Variants in ANKIB1 observed in about 807,000 individuals in gnomAD.
ANKIB1 encodes ankyrin repeat and IBR domain containing 1, also known as ankyrin repeat and IBR domain-containing protein 1.
A neutral mutation model predicts 122.1 loss-of-function variants in ANKIB1; 43 were observed. The observed-to-expected ratio is 0.35, with a 90% CI of 0.28 to 0.45. The LOEUF (loss-of-function observed/expected upper bound fraction) is 0.45. Among genes scored for constraint, ANKIB1 ranks in the 20% least tolerant of loss-of-function variants. The pLI, the probability that ANKIB1 is intolerant of heterozygous loss-of-function variation, is 1.00. For synonymous variants in ANKIB1, 390 were observed against 442.0 expected, an observed-to-expected ratio of 0.88 and a Z score of 1.48; for missense variants, 992 against 1,329.5, an observed-to-expected ratio of 0.75 and a Z score of 3.95.
intron 4 of ANKIB1, among the ~76,000 whole-genome samples, 178 bp from the exon 5 acceptor site, chr7:92,327,605 A>T (rs1222868595): frequency 6.6e-6 from 1 of 152,014 alleles, no homozygotes; most frequent in Admixed American, 6.6e-5. Context: ...AAGTCTGTGC[A>T]TGTTTAGTAT....
intron 11 of ANKIB1, among the ~76,000 whole-genome samples, chr7:92,377,849 C>G (rs1804419027): frequency 6.6e-6 from 1 of 151,948 alleles, no homozygotes; most frequent in South Asian, 2.1e-4. Flanking sequence ...TACATTAACA[C>G]TTAAAGCAAT....
At chr7:92,365,405 G>A (rs1346557218) in intron 10 of ANKIB1, among the ~76,000 whole-genome samples, 3 of 152,220 alleles carry the variant, frequency 2.0e-5, no homozygotes, top group Non-Finnish European at 4.4e-5. Context: ...ATAGAGTGAA[G>A]TGGCAATATG....
intron 2 of ANKIB1, among the ~76,000 whole-genome samples, chr7:92,297,422 A>G (rs1344305582): frequency 6.6e-6 from 1 of 152,226 alleles, no homozygotes; most frequent in African/African-American, 2.4e-5. Flanking sequence ...TAAACAGTTA[A>G]TGTGTTACAT....
intron 6 of ANKIB1, among the ~76,000 whole-genome samples, chr7:92,344,613 T>C (rs1205714488): frequency 3.9e-5 from 6 of 152,108 alleles, no homozygotes; most frequent in African/African-American, 1.4e-4. Context: ...GAAGGGTAGG[T>C]GTAATGTGAA....
At chr7:92,270,095 T>C (rs1165078609) in intron 1 of ANKIB1, among the ~76,000 whole-genome samples, 1 of 152,092 alleles carries the variant, frequency 6.6e-6, no homozygotes, top group Non-Finnish European at 1.5e-5. Flanking sequence ...AGGGTCTCAC[T>C]GTTGTCACCC....
At chr7:92,385,480 C>T (rs1804616677) in intron 11 of ANKIB1, among the ~76,000 whole-genome samples, 1 of 152,092 alleles carries the variant, frequency 6.6e-6, no homozygotes, top group Non-Finnish European at 1.5e-5. Context: ...TGGAACCAAC[C>T]CAAATGTCCA....
At chr7:92,277,104 T>C (rs1272566927) in intron 1 of ANKIB1, among the ~76,000 whole-genome samples, 2 of 152,160 alleles carry the variant, frequency 1.3e-5, no homozygotes, top group Admixed American at 6.5e-5. Flanking sequence ...CCTTCCGCCA[T>C]GATTGTAAGT....
intron 9 of ANKIB1, among the ~76,000 whole-genome samples, chr7:92,361,937 G>A (rs1803957338): frequency 6.6e-6 from 1 of 152,032 alleles, no homozygotes; most frequent in Admixed American, 6.6e-5. Flanking sequence ...AGCCTCCTGA[G>A]TAGCTGGGAT....
At chr7:92,278,140 A>G (rs921190646) in intron 1 of ANKIB1, among the ~76,000 whole-genome samples, 5 of 151,786 alleles carry the variant, frequency 3.3e-5, no homozygotes, top group African/African-American at 2.4e-5. Context: ...GGTCCTAGCT[A>G]CTCAGGAGGC....
chr7:92,352,757 T>A, intron 9 of ANKIB1, 115 bp downstream of exon 9: 1 of 1,091,288 alleles, frequency 9.2e-7, no homozygotes, highest in Non-Finnish European at 1.3e-6. Flanking sequence ...GTATTCTTCT[T>A]AATTTAAGAA....
At chr7:92,301,978 C>T (rs1380255471) in intron 2 of ANKIB1, among the ~76,000 whole-genome samples, 1 of 151,898 alleles carries the variant, frequency 6.6e-6, no homozygotes. Context: ...ATTTTGTCAC[C>T]CAGGCTGGAG....
chr7:92,319,407 A>T lies in ANKIB1; in HGVS notation c.564A>T (p.Gln188His). The change falls in exon 4 of 20, where the codon CAA becomes CAT. Residue 188 changes from glutamine to histidine, a missense_variant. Gln to His is a conservative substitution (Grantham distance 24). Transcript: ENST00000265742. Reference sequence around the variant, plus strand: ...CTCCTTGTGATTGTGCTGAAAAGCAACACCACAAAGATTTGGCCCTCAATC... The same window carrying T: ...CTCCTTGTGATTGTGCTGAAAAGCATCACCACAAAGATTTGGCCCTCAATC... ...KDTPCDCAEK[Q>H]HHKDLALNLE... is the part of the protein sequence containing the mutation. 6.2e-7 allele frequency: 1 copy of T among 1,613,460 alleles called. No homozygotes were observed.
Position 92,368,485 on chromosome 7 carries a change from C to T in ANKIB1, c.1487-2992C>T, listed in dbSNP as rs542021945. Among the ~76,000 whole-genome samples the T allele has an allele frequency of 7.0e-4, 106 of 151,850 alleles. 1 individual carries two copies. Among genetic ancestry groups the T allele is most frequent in the South Asian group, 2.7e-3 (13 of 4,796 alleles). On this transcript the variant is annotated intron_variant, in intron 10 of 19. Transcript: ENST00000265742. ...TAATCCCAGTACTTGGAGAGGCCAA[C>T]GCAGGCAGATCACTTCAGGTCAGGA...
chr7:92,371,654 A>T (rs1405229398), intron 11 of ANKIB1, 47 bp downstream of exon 11: 2 of 1,552,414 alleles, frequency 1.3e-6, no homozygotes, highest in South Asian at 1.2e-5. Flanking sequence ...TGGAATCTTA[A>T]TTTAGTTTGA....
chr7:92,305,568 A>G (rs1476577705), intron 2 of ANKIB1, among the ~76,000 whole-genome samples: 2 of 152,210 alleles, frequency 1.3e-5, no homozygotes, highest in Non-Finnish European at 2.9e-5. Context: ...GGGATGCTAT[A>G]TGAAGACAAA....
At chr7:92,377,284 CAGG>C (rs2115660849) in intron 11 of ANKIB1, among the ~76,000 whole-genome samples, 1 of 152,104 alleles carries the variant, frequency 6.6e-6, no homozygotes, top group Admixed American at 6.5e-5. Context: ...CAGACAGAGA[CAGG>C]AGAATGACTA....
At chr7:92,367,644 A>C (rs1457078618) in intron 10 of ANKIB1, among the ~76,000 whole-genome samples, 2 of 152,228 alleles carry the variant, frequency 1.3e-5, no homozygotes, top group Non-Finnish European at 2.9e-5. Context: ...AGAAAAAAGT[A>C]TTAGAAAATA....
In ANKIB1 at chr7:92,319,496, C is replaced by T; in HGVS notation, c.653C>T (p.Ala218Val). 2 of 1,605,804 alleles carry T rather than the reference C, an allele frequency of 1.2e-6. No individual in the cohort carries two copies. Among genetic ancestry groups the T allele is most frequent in the Non-Finnish European group, 1.7e-6 (2 of 1,178,052 alleles). The change falls in exon 4 of 20, where the codon GCA (alanine) becomes GTA (valine). Residue 218 changes from alanine (A) to valine (V), a missense_variant. Physicochemically the swap from Ala to Val is moderately conservative, Grantham distance 64 (BLOSUM62 0). Around this residue, in one of 4 missense-constraint regions of ANKIB1, gnomAD observed 521 missense variants for 777.7 expected, o/e 0.67. Coordinates refer to ENST00000265742, the MANE Select transcript of ANKIB1 (RefSeq NM_019004.2). ...GAAGAAATAGAAGCTGAATATGCTGCATTAGACAAACGAGAGGTCAGTTTA... is the reference window on the plus strand; with the variant it reads ...GAAGAAATAGAAGCTGAATATGCTGTATTAGACAAACGAGAGGTCAGTTTA... ...EAEEIEAEYA[A>V]LDKREPYEGL...
chr7:92,367,290 T>C (rs1390665745), intron 10 of ANKIB1, among the ~76,000 whole-genome samples: 2 of 152,222 alleles, frequency 1.3e-5, no homozygotes, highest in Non-Finnish European at 2.9e-5. Flanking sequence ...CTCTACTGAT[T>C]TGTGTCCTCC....
Sources: gnomAD v4.1 joint callset for allele counts (sites outside exome capture counted in the v4.1 genomes callset) on GRCh38, gnomAD v4.1.1 for gene constraint, gnomAD v4.1.1 regional missense constraint, MANE v1.5 for transcripts, NCBI Gene and HGNC (gene_info 2026-07-23, HGNC 2026-07-21) for gene names.